Variants in RINT1 observed in about 807,000 individuals in gnomAD.
RINT1 encodes RAD50-interacting protein 1.
Under a neutral mutation model 97.7 loss-of-function variants are expected in RINT1, and 75 were observed. The observed-to-expected ratio is 0.77, with a 90% CI of 0.64 to 0.93. RINT1 has a LOEUF of 0.93. RINT1 is among the 40% of genes least tolerant of loss of function. The pLI, the probability that RINT1 is intolerant of heterozygous loss-of-function variation, is 0.00. For synonymous variants in RINT1, 303 were observed against 326.3 expected, an observed-to-expected ratio of 0.93 and a Z score of 0.77; for missense variants, 892 against 925.2, an observed-to-expected ratio of 0.96 and a Z score of 0.47.
chr7:105,537,966 C>T (rs1373233693), intron 3 of RINT1, among the ~76,000 whole-genome samples: 1 of 151,852 alleles, frequency 6.6e-6, no homozygotes, highest in East Asian at 1.9e-4. Context: ...CTCTACTTGG[C>T]AATGGTGTGT....
rs1417041051 is a variant in RINT1, at chr7:105,553,760, G to A, written c.1472-1268G>A. On this transcript the variant is annotated intron_variant, in intron 10 of 14. Coordinates refer to ENST00000257700, the MANE Select transcript of RINT1 (RefSeq NM_021930.6). Reference sequence around the variant, plus strand: ...CTTTGAGACAGAGTCTCGCTCTGTCGCCCAGGCTGGAGTGCTGTGGCGCAA... The same window carrying A: ...CTTTGAGACAGAGTCTCGCTCTGTCACCCAGGCTGGAGTGCTGTGGCGCAA... Among the ~76,000 whole-genome samples the A allele has an allele frequency of 5.5e-5, 8 of 146,524 alleles. No homozygotes were observed. The South Asian group carries it at 8.7e-4, about 16-fold the overall frequency.
rs1400002768 is a variant in RINT1, at chr7:105,542,481, T to C, written c.347T>C (p.Phe116Ser). The change falls in exon 4 of 15, where the codon TTT becomes TCT. Residue 116 changes from phenylalanine to serine, a missense_variant. Physicochemically the swap from Phe to Ser is radical, Grantham distance 155. Coordinates refer to ENST00000257700, the MANE Select transcript of RINT1 (RefSeq NM_021930.6). ...AAAAATGCAGAAGAATCAAAGCAAT[T>C]TCTTAATCAGTTTCTGGAGCAGGAA... ...ALKNAEESKQ[F>S]LNQFLEQETH... 1 of 1,613,996 alleles carries C rather than the reference T, an allele frequency of 6.2e-7. No homozygotes were observed. The highest frequency in any genetic ancestry group is 2.2e-5 in the East Asian group (1 of 44,886).
At chr7:105,541,953 C>T (rs1790475146) in intron 3 of RINT1, 1 of 152,370 alleles carries the variant, frequency 6.6e-6, no homozygotes, top group Non-Finnish European at 1.5e-5. Flanking sequence ...TTGTTTTCAA[C>T]ACAAAGGCAT....
At position 105,546,907 on chromosome 7, in the gene RINT1, C is replaced by T. The variant is rs371696665; in HGVS notation, c.516-3C>T. 53 of 1,590,630 alleles carry T rather than the reference C, an allele frequency of 3.3e-5. No homozygotes were observed. The highest frequency in any genetic ancestry group is 4.4e-5 in the Non-Finnish European group (52 of 1,171,882). On this transcript the variant is annotated splice_polypyrimidine_tract_variant and splice_region_variant and intron_variant, in intron 4 of 14. Coordinates refer to ENST00000257700, the MANE Select transcript of RINT1 (RefSeq NM_021930.6). ...AAAAAAATTTGCTTTACTTTGTTTACAGTGATAACATTCAGCAATATCTGA... is the reference window on the plus strand; with the variant it reads ...AAAAAAATTTGCTTTACTTTGTTTATAGTGATAACATTCAGCAATATCTGA...
At position 105,567,530 on chromosome 7, in the gene RINT1, A is replaced by C; in HGVS notation, c.*219A>C. On this transcript the variant is annotated 3_prime_UTR_variant, in exon 15 of 15. Coordinates refer to ENST00000257700, the MANE Select transcript of RINT1 (RefSeq NM_021930.6). The stretch of plus-strand genomic sequence containing the variant: ...ACAGAAAACGAAACAATGAAAACTC[A>C]ATTCTATTTACAAGTATAAATGCTG... 1 of 684,744 alleles carries C rather than the reference A, an allele frequency of 1.5e-6. No individual in the cohort carries two copies. Among genetic ancestry groups the C allele is most frequent in the Admixed American group, 2.3e-5 (1 of 44,096 alleles). The allele number at this position is 684,744 out of a possible 1,614,324, so 42.4% of individuals were successfully genotyped here.
intron 12 of RINT1, among the ~76,000 whole-genome samples, 183 bp downstream of exon 12, chr7:105,564,130 C>T (rs964846839): frequency 6.6e-6 from 1 of 152,130 alleles, no homozygotes; most frequent in Non-Finnish European, 1.5e-5. Context: ...CTCTGTCACC[C>T]AGGCTGGAGT....
Position 105,547,076 on chromosome 7 carries a change from C to T in RINT1, c.682C>T (p.Leu228Phe), listed in dbSNP as rs375350464. Reference protein sequence around the residue: ...KFWHKILKDKLTSDFEEILAQ... With the variant: ...KFWHKILKDKFTSDFEEILAQ... Reference sequence around the variant, plus strand: ...CTGGCATAAAATTCTCAAGGACAAGCTTACAAGGTAGGGAATTTACCCATA... The same window carrying T: ...CTGGCATAAAATTCTCAAGGACAAGTTTACAAGGTAGGGAATTTACCCATA... The change falls in exon 5 of 15, where the codon CTT (leucine) becomes TTT (phenylalanine). Residue 228 changes from leucine to phenylalanine, a missense_variant. Coordinates refer to ENST00000257700, the MANE Select transcript of RINT1 (RefSeq NM_021930.6). The T allele has an allele frequency of 3.1e-6, 5 of 1,613,604 alleles. No individual in the cohort carries two copies. Among genetic ancestry groups the T allele is most frequent in the Non-Finnish European group, 4.2e-6 (5 of 1,179,778 alleles).
Position 105,559,378 on chromosome 7 carries a change from T to TAAA in RINT1, c.1671+4154_1671+4156dup, listed in dbSNP as rs1791327103. On this transcript the variant is annotated intron_variant, in intron 11 of 14. Transcript: ENST00000257700. ...CAAGATGGTGAAACCCCATCTCTACTAAAAATACAAAAACTAGCCAGGCAT... is the reference window on the plus strand; with the variant it reads ...CAAGATGGTGAAACCCCATCTCTACTAAAAAAAATACAAAAACTAGCCAGGCAT... Among the ~76,000 whole-genome samples, 3 of 151,716 alleles carry TAAA rather than the reference T, an allele frequency of 2.0e-5. No homozygotes were observed. The South Asian group carries it at 6.2e-4, about 32-fold the overall frequency.
In RINT1 at chr7:105,565,645, A is replaced by G; in HGVS notation, c.2183A>G (p.Lys728Arg). 1 of 1,564,286 alleles carries G rather than the reference A, an allele frequency of 6.4e-7. No individual in the cohort carries two copies. The highest frequency in any genetic ancestry group is 8.8e-7 in the Non-Finnish European group (1 of 1,136,572). ...TGCAAGAGACCAGAAAATTATTTTAAACAGTAAGCTCAACATTTAACAATT... is the reference window on the plus strand; with the variant it reads ...TGCAAGAGACCAGAAAATTATTTTAGACAGTAAGCTCAACATTTAACAATT... ...HYCKRPENYF[K>R]HIKEACIVLN... Residue 728 changes from lysine to arginine, a missense_variant, in exon 14 of 15, where the codon AAA becomes AGA. By Grantham distance (26) the Lys-to-Arg change is conservative. Coordinates refer to ENST00000257700, the MANE Select transcript of RINT1 (RefSeq NM_021930.6).
At chr7:105,535,046 T>C (rs1403647339) in intron 2 of RINT1, among the ~76,000 whole-genome samples, 1 of 152,122 alleles carries the variant, frequency 6.6e-6, no homozygotes, top group Non-Finnish European at 1.5e-5. Context: ...GTATTGGACT[T>C]ATTAAATGTC....
intron 4 of RINT1, among the ~76,000 whole-genome samples, chr7:105,543,029 C>T (rs1481326211): frequency 4.0e-5 from 6 of 151,692 alleles, no homozygotes; most frequent in East Asian, 1.9e-4. Flanking sequence ...GGACTACAGG[C>T]GCCCGCCACC....
rs1035948972 is a variant in RINT1, at chr7:105,535,774, G to C, written c.89-791G>C. The stretch of plus-strand genomic sequence containing the variant: ...GCTGGTCTAGAACTTCTGGGCTCAA[G>C]TGATCCTCCTGCCTTGGCCTCCCAC... On this transcript the variant is annotated intron_variant, in intron 2 of 14. Coordinates refer to ENST00000257700, the MANE Select transcript of RINT1 (RefSeq NM_021930.6). The C allele has an allele frequency of 9.7e-6, 3 of 310,510 alleles. No individual in the cohort carries two copies. In the Admixed American group the frequency reaches 1.3e-4, roughly 13 times the overall value. The allele number at this position is 310,510 out of a possible 1,614,324, so 19.2% of individuals were successfully genotyped here.
rs566923305 is a variant in RINT1 at position 105,555,032 on chromosome 7, G to A, written c.1476G>A (p.Arg492=). The part of the protein sequence containing the change: ...FMTLLLVITD[R]YKNLPTASRK... ...TCTTAATAACTTTTTCCACAGACAG[G>A]TATAAAAATCTTCCCACAGCTTCCC... Residue 492 remains arginine (R), a synonymous_variant, in exon 11 of 15, where the codon AGG becomes AGA. Coordinates refer to ENST00000257700, the MANE Select transcript of RINT1 (RefSeq NM_021930.6). 10 of 1,613,196 alleles carry A rather than the reference G, an allele frequency of 6.2e-6. No individual in the cohort carries two copies. In the Admixed American group the frequency reaches 1.5e-4, roughly 24 times the overall value.
chr7:105,536,153 C>T (rs577896171), intron 2 of RINT1, among the ~76,000 whole-genome samples: 6 of 151,194 alleles, frequency 4.0e-5, no homozygotes, highest in East Asian at 3.9e-4. Flanking sequence ...AGTGCAGTGG[C>T]GCTTTGTTTT....
chr7:105,556,759 A>G (rs1480353255), intron 11 of RINT1, among the ~76,000 whole-genome samples: 1 of 152,144 alleles, frequency 6.6e-6, no homozygotes, highest in Non-Finnish European at 1.5e-5. Context: ...ATTATTAAGT[A>G]GTAATTTATT....
chr7:105,550,610 T>G (rs1193629433), intron 9 of RINT1, 124 bp downstream of exon 9: 1 of 701,316 alleles, frequency 1.4e-6, no homozygotes, highest in Non-Finnish European at 2.4e-6. Flanking sequence ...TTTTCAGGGT[T>G]TTCTGTTTCC....
At position 105,532,310 on chromosome 7, in the gene RINT1, G is replaced by A; in HGVS notation, c.-6G>A. The A allele has an allele frequency of 2.5e-6, 4 of 1,585,316 alleles. No homozygotes were observed. The highest frequency in any genetic ancestry group is 1.1e-5 in the South Asian group (1 of 87,264). ...GAATGGAGCCGAGGACTCGCGCGGA[G>A]GCGAGATGCTACCAGCCGGCGAGAT... On this transcript the variant is annotated 5_prime_UTR_variant, in exon 1 of 15. Coordinates refer to ENST00000257700, the MANE Select transcript of RINT1 (RefSeq NM_021930.6).
Position 105,547,088 on chromosome 7 carries a change from G to T in RINT1, c.689+5G>T. ...TCTCAAGGACAAGCTTACAAGGTAGGGAATTTACCCATATTTTGTGGTAAT... is the reference window on the plus strand; with the variant it reads ...TCTCAAGGACAAGCTTACAAGGTAGTGAATTTACCCATATTTTGTGGTAAT... On this transcript the variant is annotated splice_donor_5th_base_variant and intron_variant, in intron 5 of 14. Coordinates refer to ENST00000257700, the MANE Select transcript of RINT1 (RefSeq NM_021930.6). 6.2e-7 allele frequency: 1 copy of T among 1,613,498 alleles called. No homozygotes were observed. The highest frequency in any genetic ancestry group is 2.2e-5 in the East Asian group (1 of 44,876).
intron 3 of RINT1, among the ~76,000 whole-genome samples, chr7:105,539,203 G>C (rs964390494): frequency 2.6e-5 from 4 of 151,968 alleles, no homozygotes; most frequent in Non-Finnish European, 4.4e-5. Context: ...TGTCTGTCTT[G>C]GTTAGATAAT....
Sources: allele counts gnomAD v4.1 joint callset (sites outside exome capture counted in the v4.1 genomes callset), GRCh38; gene constraint gnomAD v4.1.1; transcripts MANE v1.5; gene names NCBI Gene and HGNC (gene_info 2026-07-23, HGNC 2026-07-21).